CEP164: variants seen among roughly 807,000 people sequenced by gnomAD.
CEP164 encodes centrosomal protein of 164 kDa.
A neutral mutation model predicts 182.7 loss-of-function variants in CEP164; 162 were observed. That is an observed-to-expected ratio of 0.89 (90% CI 0.78 to 1.01). CEP164 has a LOEUF of 1.01. Ranked by LOEUF, CEP164 falls within the 50% of genes least tolerant of loss-of-function variation. The probability of loss-of-function intolerance (pLI) is 0.00; values close to 1 mark genes in which losing one functional copy is unlikely to be tolerated. For synonymous variants in CEP164, 661 were observed against 690.0 expected (o/e 0.96, Z 0.66); for missense variants, 1,735 against 1,790.4 (o/e 0.97, Z 0.56).
intron 13 of CEP164, among the ~76,000 whole-genome samples, chr11:117,382,393 T>C (rs897584832): frequency 6.6e-6 from 1 of 152,182 alleles, no homozygotes; most frequent in Non-Finnish European, 1.5e-5. Flanking sequence ...AGGACCTTTT[T>C]TCTTAGCCTA....
intron 5 of CEP164, among the ~76,000 whole-genome samples, chr11:117,356,805 C>G (rs985619271): frequency 1.3e-5 from 2 of 152,216 alleles, no homozygotes; most frequent in African/African-American, 4.8e-5. Context: ...TCTTCTACTC[C>G]ATCACCTGCA....
intron 14 of CEP164, among the ~76,000 whole-genome samples, chr11:117,383,472 A>G (rs1283253422): frequency 1.3e-5 from 2 of 152,180 alleles, no homozygotes; most frequent in Non-Finnish European, 2.9e-5. Flanking sequence ...AGTTCTGGCC[A>G]AAGGGTCATT....
At chr11:117,352,578 T>C (rs2039784104) in intron 5 of CEP164, among the ~76,000 whole-genome samples, 1 of 152,204 alleles carries the variant, frequency 6.6e-6, no homozygotes, top group Non-Finnish European at 1.5e-5. Context: ...TTAACTGCAA[T>C]GTGATTTCCT....
intron 4 of CEP164, among the ~76,000 whole-genome samples, chr11:117,344,922 C>T (rs1424295469): frequency 6.7e-6 from 1 of 148,770 alleles, no homozygotes. Flanking sequence ...AGCGAGACTC[C>T]ATCTCAAAAA....
intron 7 of CEP164, 131 bp downstream of exon 7, chr11:117,362,669 T>C: frequency 1.0e-6 from 1 of 968,584 alleles, no homozygotes; most frequent in Non-Finnish European, 1.5e-6. Context: ...AAAGTTAAAA[T>C]TCAGTGGTAT....
intron 1 of CEP164, among the ~76,000 whole-genome samples, chr11:117,333,131 G>GC (rs766752183): frequency 4.6e-5 from 7 of 152,174 alleles, no homozygotes; most frequent in Non-Finnish European, 1.0e-4. Context: ...TCCCACCTGA[G>GC]CCCCCCAAGT....
chr11:117,397,373 A>G, intron 27 of CEP164, 60 bp downstream of exon 27: 5 of 1,505,468 alleles, frequency 3.3e-6, no homozygotes, highest in Non-Finnish European at 4.5e-6. Flanking sequence ...GGAGTCAGCA[A>G]AACAGTCCTT....
In CEP164 at chr11:117,395,722, G is replaced by C. The variant is rs2045343883; in HGVS notation, c.3089G>C (p.Ser1030Thr). Residue 1030 changes from serine (S) to threonine (T), a missense_variant and splice_region_variant, in exon 24 of 33, where the codon AGC (serine) becomes ACC (threonine). Transcript: ENST00000278935. ...AGCCAGCAACTGCAGAAACACTTCA[G>C]GTGGCGTGGGCACCCTGCACTTAGC... Reference protein sequence around the residue: ...AQSQQLQKHFSSLEAEAQKKQ... With the variant: ...AQSQQLQKHFTSLEAEAQKKQ... The C allele has an allele frequency of 1.2e-6, 2 of 1,607,182 alleles. No homozygotes were observed. Among genetic ancestry groups the C allele is most frequent in the Non-Finnish European group, 1.7e-6 (2 of 1,177,284 alleles).
chr11:117,336,294 C>T (rs1295753515), intron 2 of CEP164: 28 of 1,535,920 alleles, frequency 1.8e-5, no homozygotes, highest in Non-Finnish European at 3.6e-6. Flanking sequence ...GAGCTTTCTT[C>T]ATTTTATTCT....
intron 15 of CEP164, 21 bp from the exon 16 acceptor site, chr11:117,390,756 A>C: frequency 6.2e-7 from 1 of 1,613,826 alleles, no homozygotes. Context: ...CTGACAACCT[A>C]GCCTTTCCTT....
At chr11:117,373,617 T>G (rs1592236117) in intron 9 of CEP164, 134 bp from the exon 10 acceptor site, 2 of 743,508 alleles carry the variant, frequency 2.7e-6, no homozygotes. Context: ...CTCGTTTAGG[T>G]TTTCAAGAAG....
chr11:117,329,535 G>A (rs2035858424), intron 1 of CEP164, among the ~76,000 whole-genome samples: 1 of 151,596 alleles, frequency 6.6e-6, no homozygotes, highest in Non-Finnish European at 1.5e-5. Flanking sequence ...CCTTGGGCAA[G>A]TTTGTTTGTT....
chr11:117,360,740 A>G (rs946586453), intron 5 of CEP164, among the ~76,000 whole-genome samples: 4 of 152,184 alleles, frequency 2.6e-5, no homozygotes, highest in Non-Finnish European at 5.9e-5. Context: ...AAGGCATATA[A>G]GAAAGTATAG....
chr11:117,328,353 A>G (rs941220159), intron 1 of CEP164: 1 of 152,288 alleles, frequency 6.6e-6, no homozygotes, highest in African/African-American at 2.4e-5. Context: ...CCCGGGTCCA[A>G]ATCCGGGGCT....
rs1385741474 is a variant in CEP164 at position 117,412,842 on chromosome 11, A to G, written c.*674A>G. On this transcript the variant is annotated 3_prime_UTR_variant, in exon 33 of 33. Transcript: ENST00000278935. Reference sequence around the variant, plus strand: ...TGTTTTCCTCAGGGGCTGTCCTCAGAACACCCCTCCTGCTCCCTGGGGCTC... The same window carrying G: ...TGTTTTCCTCAGGGGCTGTCCTCAGGACACCCCTCCTGCTCCCTGGGGCTC... The G allele has an allele frequency of 6.6e-6, 1 of 152,426 alleles. No individual in the cohort carries two copies. The highest frequency in any genetic ancestry group is 1.5e-5 in the Non-Finnish European group (1 of 68,024). The allele number at this position is 152,426 out of a possible 1,614,324, so 9.4% of individuals were successfully genotyped here.
intron 13 of CEP164, 87 bp from the exon 14 acceptor site, chr11:117,382,709 A>G (rs2043478006): frequency 1.3e-6 from 2 of 1,487,116 alleles, no homozygotes; most frequent in African/African-American, 1.4e-5. Context: ...TGTCTCTGTC[A>G]TAGCTCTTTG....
At chr11:117,365,930 G>A (rs944810553) in intron 8 of CEP164, among the ~76,000 whole-genome samples, 1 of 152,080 alleles carries the variant, frequency 6.6e-6, no homozygotes, top group African/African-American at 2.4e-5. Context: ...GTGCTTCTTT[G>A]GGGGGAGTGG....
chr11:117,375,936 T>G (rs2042696282), intron 11 of CEP164, 145 bp downstream of exon 11: 1 of 678,010 alleles, frequency 1.5e-6, no homozygotes, highest in Admixed American at 2.7e-5. Context: ...TGGTCCTGAC[T>G]GCCTTTCACG....
intron 12 of CEP164, among the ~76,000 whole-genome samples, chr11:117,381,354 A>G (rs1034685074): frequency 1.3e-5 from 2 of 151,972 alleles, no homozygotes; most frequent in Admixed American, 1.3e-4. Flanking sequence ...TTTTCTCCCC[A>G]CTTAGTTCTT....
Sources: allele counts gnomAD v4.1 joint callset (sites outside exome capture counted in the v4.1 genomes callset), GRCh38; gene constraint gnomAD v4.1.1; transcripts MANE v1.5; gene names NCBI Gene and HGNC (gene_info 2026-07-23, HGNC 2026-07-21).